Variants in DTNA observed in about 807,000 individuals in gnomAD.
DTNA encodes dystrobrevin alpha.
In DTNA, 43 loss-of-function variants were observed where a neutral mutation model predicts 100.7. The observed-to-expected ratio is 0.43, with a 90% confidence interval of 0.33 to 0.55. The LOEUF (loss-of-function observed/expected upper bound fraction) is 0.55. Ranked by LOEUF, DTNA falls within the 20% of genes least tolerant of loss-of-function variation. The probability of loss-of-function intolerance (pLI) is 0.04; values close to 1 mark genes in which losing one functional copy is unlikely to be tolerated. For missense variants in DTNA, 798 were observed against 953.9 expected, an observed-to-expected ratio of 0.84 and a Z score of 2.15; for synonymous variants, 349 against 347.9, an observed-to-expected ratio of 1.00 and a Z score of -0.04.
chr18:34,618,435 A>G (rs1051628399), intron 1 of DTNA, among the ~76,000 whole-genome samples: 1 of 152,176 alleles, frequency 6.6e-6, no homozygotes, highest in African/African-American at 2.4e-5. Context: ...ACATGGTATC[A>G]GATAGTTCTC....
intron 13 of DTNA, among the ~76,000 whole-genome samples, chr18:34,844,408 T>C (rs2096336428): frequency 6.6e-6 from 1 of 152,144 alleles, no homozygotes; most frequent in Non-Finnish European, 1.5e-5. Context: ...CGGTCCCCAG[T>C]GTCACTTTGT....
chr18:34,775,741 C>T (rs2094012743), intron 3 of DTNA, among the ~76,000 whole-genome samples: 1 of 152,096 alleles, frequency 6.6e-6, no homozygotes, highest in South Asian at 2.1e-4. Context: ...TATTTTTTTT[C>T]CTCAGAGCTT....
In DTNA at chr18:34,863,893, T is replaced by C; in HGVS notation, c.1647-73T>C. 3 of 1,446,430 alleles carry C rather than the reference T, an allele frequency of 2.1e-6. No homozygotes were observed. In the East Asian group the frequency reaches 7.3e-5, roughly 35 times the overall value. 89.6% of individuals were successfully genotyped at this position (1,446,430 alleles called of 1,614,324 possible). ...TGCCCTTTTTCTGACAGTCCACAAG[T>C]CCCTCAAGAATGGAAATGTGATTAG... On this transcript the variant is annotated intron_variant, in intron 16 of 22. Coordinates refer to ENST00000444659, the MANE Select transcript of DTNA (RefSeq NM_001386795.1).
chr18:34,712,779 A>G (rs1258724567), intron 1 of DTNA, among the ~76,000 whole-genome samples: 10 of 152,170 alleles, frequency 6.6e-5, no homozygotes, highest in East Asian at 1.9e-4. Flanking sequence ...TTTAATCTCT[A>G]GAGCTGCCTA....
At chr18:34,571,253 G>A (rs2047557316) in intron 1 of DTNA, among the ~76,000 whole-genome samples, 1 of 152,150 alleles carries the variant, frequency 6.6e-6, no homozygotes, top group African/African-American at 2.4e-5. Flanking sequence ...CTGAGTAAGA[G>A]GCACAGTCCT....
At chr18:34,817,202 G>A (rs1365059513) in intron 7 of DTNA, among the ~76,000 whole-genome samples, 1 of 152,178 alleles carries the variant, frequency 6.6e-6, no homozygotes, top group Admixed American at 6.5e-5. Flanking sequence ...CGGGAAGAAA[G>A]GTTATGACAC....
chr18:34,573,451 A>G (rs2047789070), intron 1 of DTNA, among the ~76,000 whole-genome samples: 2 of 152,180 alleles, frequency 1.3e-5, no homozygotes, highest in Non-Finnish European at 2.9e-5. Flanking sequence ...TAGTCTCAAT[A>G]GGCACCTGTT....
intron 1 of DTNA, among the ~76,000 whole-genome samples, chr18:34,523,179 A>AC (rs2042303966): frequency 6.6e-6 from 1 of 152,218 alleles, no homozygotes; most frequent in Non-Finnish European, 1.5e-5. Context: ...CCAAAAAAAG[A>AC]CCAGAGATGT....
chr18:34,604,767 T>G (rs1208949373), intron 1 of DTNA, among the ~76,000 whole-genome samples: 2 of 152,136 alleles, frequency 1.3e-5, no homozygotes, highest in African/African-American at 4.8e-5. Flanking sequence ...AGGCAGAGGA[T>G]CCTGGTGTGC....
intron 11 of DTNA, among the ~76,000 whole-genome samples, chr18:34,836,422 G>C (rs988440042): frequency 6.6e-6 from 1 of 152,130 alleles, no homozygotes; most frequent in African/African-American, 2.4e-5. Flanking sequence ...GGAGGCCGAG[G>C]GGGGCAGATC....
intron 3 of DTNA, among the ~76,000 whole-genome samples, chr18:34,770,620 A>G (rs2093715443): frequency 6.6e-6 from 1 of 152,166 alleles, no homozygotes; most frequent in South Asian, 2.1e-4. Context: ...TCTGAACAAG[A>G]GGCCACTGTC....
intron 1 of DTNA, among the ~76,000 whole-genome samples, chr18:34,751,835 C>T (rs2092346945): frequency 1.3e-5 from 2 of 152,166 alleles, no homozygotes; most frequent in African/African-American, 4.8e-5. Context: ...AAGTTGTGAG[C>T]TTCTTGAAGA....
intron 1 of DTNA, among the ~76,000 whole-genome samples, chr18:34,724,935 A>G (rs2086254324): frequency 6.6e-6 from 1 of 152,212 alleles, no homozygotes; most frequent in African/African-American, 2.4e-5. Flanking sequence ...CCTCAGAAAT[A>G]ATACCACACA....
At chr18:34,555,747 G>A (rs1286946717) in intron 1 of DTNA, among the ~76,000 whole-genome samples, 3 of 152,154 alleles carry the variant, frequency 2.0e-5, no homozygotes, top group African/African-American at 4.8e-5. Context: ...GAGATAGTTT[G>A]TTATTATCTC....
chr18:34,665,799 T>C (rs1056916110), intron 1 of DTNA, among the ~76,000 whole-genome samples: 23 of 152,154 alleles, frequency 1.5e-4, no homozygotes, highest in African/African-American at 5.5e-4. Flanking sequence ...ATATGTGCCA[T>C]ATTTTCTTAA....
At chr18:34,496,909 A>C (rs2039301409) in intron 1 of DTNA, among the ~76,000 whole-genome samples, 1 of 152,152 alleles carries the variant, frequency 6.6e-6, no homozygotes, top group African/African-American at 2.4e-5. Context: ...TGAATCAGAG[A>C]TGTGTGTCAC....
intron 1 of DTNA, among the ~76,000 whole-genome samples, chr18:34,717,892 T>C (rs1600733700): frequency 6.6e-6 from 1 of 152,030 alleles, no homozygotes; most frequent in African/African-American, 2.4e-5. Context: ...GCACAGAAAA[T>C]AGACTAGTGT....
chr18:34,769,365 A>C (rs1215959898), intron 3 of DTNA, among the ~76,000 whole-genome samples: 4 of 152,218 alleles, frequency 2.6e-5, no homozygotes, highest in Non-Finnish European at 4.4e-5. Context: ...ATTAGTCAAC[A>C]TTGAATATAT....
rs2685561 is a variant in DTNA, at chr18:34,560,004, T to G, written c.-2+66490T>G. 1.3e-3 allele frequency among the ~76,000 whole-genome samples: 203 copies of G among 152,340 alleles called. 3 individuals are homozygous for G. Among genetic ancestry groups the G allele is most frequent in the African/African-American group, 4.7e-3 (194 of 41,582 alleles). On this transcript the variant is annotated intron_variant, in intron 1 of 19. Coordinates refer to the DTNA transcript ENST00000283365. ...GAGATTCTGTAATTTCACCTTGTTC[T>G]TTTTCATACATACCCTTTCCCATAT...
Sources: allele counts gnomAD v4.1 joint callset (sites outside exome capture counted in the v4.1 genomes callset), GRCh38; gene constraint gnomAD v4.1.1; transcripts MANE v1.5; gene names NCBI Gene and HGNC (gene_info 2026-07-23, HGNC 2026-07-21).